Variants in PDGFD observed in about 807,000 individuals in gnomAD.
PDGFD encodes the protein platelet derived growth factor D.
PDGFD carries 30 observed loss-of-function variants against 44.7 expected under a neutral mutation model. The ratio of observed to expected loss-of-function variants is 0.67; its 90% CI spans 0.50 to 0.91. The LOEUF (loss-of-function observed/expected upper bound fraction) is 0.91, where lower values mean the gene tolerates loss of function less well. Among genes scored for constraint, PDGFD ranks in the 40% least tolerant of loss-of-function variants. The probability of loss-of-function intolerance (pLI) is 0.00; values close to 1 mark genes in which losing one functional copy is unlikely to be tolerated. For missense variants in PDGFD, 445 were observed against 457.8 expected, an observed-to-expected ratio of 0.97 and a Z score of 0.25; for synonymous variants, 173 against 168.4, an observed-to-expected ratio of 1.03 and a Z score of -0.21.
chr11:104,082,133 C>CATATATATATATATATATATATGTAT (rs981551524), intron 1 of PDGFD, among the ~76,000 whole-genome samples: 2 of 117,582 alleles, frequency 1.7e-5, no homozygotes, highest in East Asian at 5.4e-4. Context: ...CATATACATA[C>CATATATATATATATATATATATGTAT]ATACATATAT....
intron 1 of PDGFD, among the ~76,000 whole-genome samples, chr11:104,115,026 T>C (rs939990377): frequency 6.6e-6 from 1 of 151,724 alleles, no homozygotes; most frequent in Non-Finnish European, 1.5e-5. Context: ...ACCTAATTTG[T>C]AGTCTTTTAT....
At chr11:104,135,278 C>T (rs1416582866) in intron 1 of PDGFD, among the ~76,000 whole-genome samples, 14 of 152,230 alleles carry the variant, frequency 9.2e-5, no homozygotes, top group African/African-American at 3.4e-4. Flanking sequence ...GCCAAAAGGC[C>T]TGGGGCAGCC....
intron 3 of PDGFD, among the ~76,000 whole-genome samples, chr11:103,961,925 T>A (rs1213954014): frequency 6.6e-6 from 1 of 152,204 alleles, no homozygotes; most frequent in Non-Finnish European, 1.5e-5. Context: ...TGGTTGTTAA[T>A]ATAGCCACAT....
intron 3 of PDGFD, among the ~76,000 whole-genome samples, chr11:103,956,028 G>A (rs1591093297): frequency 6.8e-6 from 1 of 147,164 alleles, no homozygotes; most frequent in Middle Eastern, 3.6e-3. Flanking sequence ...TTTTATACTT[G>A]TTAGTTTCTG....
At chr11:104,117,058 G>A (rs1861652739) in intron 1 of PDGFD, among the ~76,000 whole-genome samples, 2 of 151,974 alleles carry the variant, frequency 1.3e-5, no homozygotes, top group South Asian at 4.1e-4. Context: ...TCATACCAGG[G>A]ATGCAGGGAT....
intron 1 of PDGFD, among the ~76,000 whole-genome samples, chr11:104,030,214 A>T (rs73602380): frequency 3.8e-4 from 58 of 152,332 alleles, no homozygotes; most frequent in African/African-American, 1.3e-3. Context: ...CTGAAATTTC[A>T]AACATTTCTG....
chr11:104,126,462 T>C (rs1321448981), intron 1 of PDGFD, among the ~76,000 whole-genome samples: 1 of 152,172 alleles, frequency 6.6e-6, no homozygotes, highest in Non-Finnish European at 1.5e-5. Flanking sequence ...ACACTATTCA[T>C]CGGGTCTTTT....
At chr11:103,912,145 C>T (rs1272950325) in intron 6 of PDGFD, among the ~76,000 whole-genome samples, 4 of 152,102 alleles carry the variant, frequency 2.6e-5, no homozygotes, top group African/African-American at 9.7e-5. Flanking sequence ...AAAGATACTC[C>T]TCGAGAAGAA....
At chr11:103,938,017 T>A (rs1222549702) in intron 5 of PDGFD, among the ~76,000 whole-genome samples, 2 of 150,848 alleles carry the variant, frequency 1.3e-5, no homozygotes, top group Non-Finnish European at 2.9e-5. Flanking sequence ...TAAACATACA[T>A]GTGCTTGTGT....
chr11:104,062,675 C>A (rs112578354), intron 1 of PDGFD, among the ~76,000 whole-genome samples: 47 of 152,292 alleles, frequency 3.1e-4, no homozygotes, highest in African/African-American at 1.1e-3. Flanking sequence ...TATGCTACTA[C>A]AAACATTGTC....
chr11:103,950,992 C>G (rs954375776), intron 3 of PDGFD, among the ~76,000 whole-genome samples: 4 of 152,004 alleles, frequency 2.6e-5, no homozygotes, highest in African/African-American at 9.7e-5. Flanking sequence ...TGCACAAGCC[C>G]CTAAACAAAT....
In PDGFD at chr11:103,936,737, A is replaced by G. The variant is rs1858493741; in HGVS notation, c.772+6715T>C. ...ACCATTTAGAGTCTGTAAAAATCAC[A>G]TATTTCAAACGTCATCATTTGGAAC... On this transcript the variant is annotated intron_variant, in intron 5 of 6. Transcript: ENST00000393158. Among the ~76,000 whole-genome samples the G allele has an allele frequency of 2.0e-5, 3 of 152,264 alleles. No homozygotes were observed. The South Asian group carries it at 6.2e-4, about 32-fold the overall frequency.
At chr11:104,013,125 AG>A (rs747525078) in intron 1 of PDGFD, among the ~76,000 whole-genome samples, 1 of 152,220 alleles carries the variant, frequency 6.6e-6, no homozygotes, top group Non-Finnish European at 1.5e-5. Context: ...TGAATGTTGA[AG>A]TGTCTGAATG....
At chr11:103,910,892 G>C (rs1330572660) in intron 6 of PDGFD, among the ~76,000 whole-genome samples, 2 of 152,192 alleles carry the variant, frequency 1.3e-5, no homozygotes, top group African/African-American at 4.8e-5. Flanking sequence ...GCTTGGTGAG[G>C]GGAGGGGCGT....
intron 1 of PDGFD, among the ~76,000 whole-genome samples, chr11:104,141,325 T>C (rs1339334001): frequency 6.6e-6 from 1 of 152,176 alleles, no homozygotes; most frequent in Non-Finnish European, 1.5e-5. Context: ...TGGCAAAAGA[T>C]GAGATTTAAT....
intron 6 of PDGFD, 140 bp from the exon 7 acceptor site, chr11:103,909,959 C>T (rs1367255838): frequency 4.2e-6 from 4 of 961,702 alleles, no homozygotes; most frequent in East Asian, 4.8e-5. Context: ...TATTAGAATG[C>T]ACACGTTGCT....
intron 3 of PDGFD, among the ~76,000 whole-genome samples, chr11:103,954,410 T>C (rs1205349709): frequency 6.6e-6 from 1 of 152,222 alleles, no homozygotes; most frequent in African/African-American, 2.4e-5. Context: ...ACATTTGGGA[T>C]GATTAGTTGT....
intron 1 of PDGFD, among the ~76,000 whole-genome samples, chr11:104,007,166 G>A (rs898539769): frequency 2.6e-5 from 4 of 152,158 alleles, no homozygotes; most frequent in Admixed American, 1.3e-4. Context: ...CGGGGGATCA[G>A]GGAAGTATCC....
intron 3 of PDGFD, among the ~76,000 whole-genome samples, chr11:103,957,382 G>T (rs1858867779): frequency 6.6e-6 from 1 of 152,040 alleles, no homozygotes; most frequent in Non-Finnish European, 1.5e-5. Context: ...AGTTCATGTG[G>T]AATCAAAAAA....
Sources: allele counts gnomAD v4.1 joint callset (sites outside exome capture counted in the v4.1 genomes callset), GRCh38; gene constraint gnomAD v4.1.1; transcripts MANE v1.5; gene names NCBI Gene and HGNC (gene_info 2026-07-23, HGNC 2026-07-21).